CRYZL1: variants seen among roughly 807,000 people sequenced by gnomAD.
The protein encoded by CRYZL1 is ferry endosomal RAB5 effector complex subunit 4.
In CRYZL1, 34 loss-of-function variants were observed where a neutral mutation model predicts 50.6. That is an observed-to-expected ratio of 0.67 (90% CI 0.51 to 0.89). The LOEUF is 0.89. Ranked by LOEUF, CRYZL1 falls within the 40% of genes least tolerant of loss-of-function variation. CRYZL1 has a pLI of 0.00. For synonymous variants in CRYZL1, 125 were observed against 134.3 expected (o/e 0.93, Z 0.48); for missense variants, 354 against 402.3 (o/e 0.88, Z 1.03).
intron 6 of CRYZL1, among the ~76,000 whole-genome samples, chr21:33,605,029 G>C (rs2086796347): frequency 6.6e-6 from 1 of 152,136 alleles, no homozygotes; most frequent in Non-Finnish European, 1.5e-5. Context: ...ATGTAGGTAG[G>C]TAATAGTTTC....
At chr21:33,640,401 C>A (rs1314095359) in intron 1 of CRYZL1, among the ~76,000 whole-genome samples, 1 of 151,612 alleles carries the variant, frequency 6.6e-6, no homozygotes, top group East Asian at 1.9e-4. Flanking sequence ...ATAACTGACC[C>A]GAGTTTGAAT....
chr21:33,598,972 A>G (rs1398361795), intron 9 of CRYZL1, among the ~76,000 whole-genome samples, 178 bp downstream of exon 9: 1 of 152,204 alleles, frequency 6.6e-6, no homozygotes, highest in Non-Finnish European at 1.5e-5. Flanking sequence ...CAGCGCTTAC[A>G]ATGAGAATAA....
chr21:33,590,943 C>T (rs1424056675), intron 12 of CRYZL1, among the ~76,000 whole-genome samples: 1 of 152,160 alleles, frequency 6.6e-6, no homozygotes, highest in Non-Finnish European at 1.5e-5. Context: ...TATTAAAGAG[C>T]AGCTATTTAA....
At chr21:33,639,173 T>C (rs1455811958) in intron 1 of CRYZL1, among the ~76,000 whole-genome samples, 1 of 152,218 alleles carries the variant, frequency 6.6e-6, no homozygotes, top group Non-Finnish European at 1.5e-5. Flanking sequence ...TATTTTATTA[T>C]CTGTTGATTT....
chr21:33,590,112 G>A (rs2086628673), intron 12 of CRYZL1, among the ~76,000 whole-genome samples, 191 bp from the exon 13 acceptor site: 1 of 152,162 alleles, frequency 6.6e-6, no homozygotes, highest in Non-Finnish European at 1.5e-5. Context: ...CCGGCTCCCG[G>A]GTTCAAGCAA....
intron 6 of CRYZL1, among the ~76,000 whole-genome samples, chr21:33,609,689 T>A (rs867079155): frequency 6.6e-6 from 1 of 151,834 alleles, no homozygotes; most frequent in African/African-American, 2.4e-5. Context: ...CTTTCTTTCC[T>A]TCTCTTCTCT....
chr21:33,637,597 G>T (rs1289414450), intron 1 of CRYZL1, among the ~76,000 whole-genome samples: 1 of 151,544 alleles, frequency 6.6e-6, no homozygotes, highest in East Asian at 1.9e-4. Flanking sequence ...ATTCCTGAAA[G>T]TCCAAACTCC....
chr21:33,624,956 T>TA (rs1281374954), intron 2 of CRYZL1, among the ~76,000 whole-genome samples, 196 bp from the exon 3 acceptor site: 1 of 152,130 alleles, frequency 6.6e-6, no homozygotes, highest in African/African-American at 2.4e-5. Flanking sequence ...GGTACAATTT[T>TA]AAAAAAGCTT....
At chr21:33,630,632 C>G (rs867754225) in intron 2 of CRYZL1, among the ~76,000 whole-genome samples, 38 of 151,946 alleles carry the variant, frequency 2.5e-4, no homozygotes, top group Non-Finnish European at 1.6e-4. Context: ...AACAATCCCT[C>G]TCCTGGGTAT....
intron 6 of CRYZL1, among the ~76,000 whole-genome samples, chr21:33,608,160 A>C (rs1006005694): frequency 6.6e-5 from 10 of 152,212 alleles, no homozygotes; most frequent in African/African-American, 2.4e-4. Context: ...CTGAAAATAA[A>C]AACATATCCC....
At chr21:33,612,585 G>A (rs371258951) in intron 6 of CRYZL1, among the ~76,000 whole-genome samples, 88 of 152,232 alleles carry the variant, frequency 5.8e-4, no homozygotes, top group African/African-American at 2.0e-3. Flanking sequence ...CGCTGCGCCT[G>A]GCTGATGGTC....
At chr21:33,615,884 GCAA>G (rs1240347404) in intron 5 of CRYZL1, among the ~76,000 whole-genome samples, 1 of 152,130 alleles carries the variant, frequency 6.6e-6, no homozygotes, top group African/African-American at 2.4e-5. Context: ...AAGCACTATA[GCAA>G]CTATGATTAT....
At chr21:33,600,629 C>CTT (rs141776549) in intron 8 of CRYZL1, among the ~76,000 whole-genome samples, 2 of 139,944 alleles carry the variant, frequency 1.4e-5, no homozygotes, top group Non-Finnish European at 1.6e-5. Context: ...ACCATTCATG[C>CTT]TTTTTTTTTT....
chr21:33,641,247 A>T, intron 1 of CRYZL1: 7 of 1,550,680 alleles, frequency 4.5e-6, no homozygotes, highest in Non-Finnish European at 6.1e-6. Context: ...AGCCACATAC[A>T]GCGAATAACT....
chr21:33,599,125 G>A (rs770828350), intron 9 of CRYZL1, 25 bp downstream of exon 9: 1 of 1,608,124 alleles, frequency 6.2e-7, no homozygotes, highest in Non-Finnish European at 8.5e-7. Flanking sequence ...AACTACACAG[G>A]CTACTAATTT....
chr21:33,610,723 GGTT>G (rs1184340530), intron 6 of CRYZL1, among the ~76,000 whole-genome samples: 1 of 143,074 alleles, frequency 7.0e-6, no homozygotes, highest in East Asian at 2.0e-4. Flanking sequence ...GGCCTTGTTT[GGTT>G]GTTTTTTTTT....
chr21:33,605,908 AG>A (rs1313792699), intron 6 of CRYZL1, among the ~76,000 whole-genome samples: 1 of 152,246 alleles, frequency 6.6e-6, no homozygotes, highest in East Asian at 1.9e-4. Context: ...TTCCTCTAGT[AG>A]CAATGATTCA....
chr21:33,610,223 T>G (rs1281703835), intron 6 of CRYZL1, among the ~76,000 whole-genome samples: 1 of 152,026 alleles, frequency 6.6e-6, no homozygotes, highest in Non-Finnish European at 1.5e-5. Context: ...TGGAGTACAG[T>G]GGCACAATTT....
intron 1 of CRYZL1, among the ~76,000 whole-genome samples, chr21:33,638,551 G>C (rs2087239036): frequency 6.6e-6 from 1 of 152,182 alleles, no homozygotes; most frequent in African/African-American, 2.4e-5. Context: ...GGTTATAACA[G>C]TTGAGGATAT....
Sources: gnomAD v4.1 joint callset for allele counts (sites outside exome capture counted in the v4.1 genomes callset) on GRCh38, gnomAD v4.1.1 for gene constraint, MANE v1.5 for transcripts, NCBI Gene and HGNC (gene_info 2026-07-23, HGNC 2026-07-21) for gene names.